Variants in ALDH1A2 observed in about 807,000 individuals in gnomAD.
ALDH1A2 encodes the protein retinal dehydrogenase 2.
Under a neutral mutation model 60.3 loss-of-function variants are expected in ALDH1A2, and 27 were observed. The ratio of observed to expected loss-of-function variants is 0.45; its 90% CI spans 0.33 to 0.62. The LOEUF (loss-of-function observed/expected upper bound fraction) is 0.62, where lower values mean the gene tolerates loss of function less well. Ranked by LOEUF, ALDH1A2 falls within the 20% of genes least tolerant of loss-of-function variation. The pLI, the probability that ALDH1A2 is intolerant of heterozygous loss-of-function variation, is 0.02. For synonymous variants in ALDH1A2, 289 were observed against 232.4 expected, an observed-to-expected ratio of 1.24 and a Z score of -2.21; for missense variants, 581 against 643.8, an observed-to-expected ratio of 0.90 and a Z score of 1.06.
At chr15:57,964,749 C>T (rs536034472) in intron 8 of ALDH1A2, 1 of 152,510 alleles carries the variant, frequency 6.6e-6, no homozygotes, top group African/African-American at 2.4e-5. Flanking sequence ...TCTTACACTT[C>T]AAAACAGCTT....
At chr15:57,975,194 CTAGG>C (rs1382374648) in intron 7 of ALDH1A2, among the ~76,000 whole-genome samples, 2 of 149,918 alleles carry the variant, frequency 1.3e-5, no homozygotes, top group Non-Finnish European at 3.0e-5. Flanking sequence ...CATTCCATTC[CTAGG>C]TATTTACCTA....
At chr15:57,965,619 C>T in intron 8 of ALDH1A2, 106 bp downstream of exon 8, 1 of 911,656 alleles carries the variant, frequency 1.1e-6, no homozygotes, top group Non-Finnish European at 1.8e-6. Flanking sequence ...TTTGATTGCC[C>T]TTAGCTTCAA....
intron 4 of ALDH1A2, among the ~76,000 whole-genome samples, chr15:58,001,795 T>C (rs1451891631): frequency 6.6e-6 from 1 of 151,852 alleles, no homozygotes; most frequent in African/African-American, 2.4e-5. Flanking sequence ...TTTTGGATCT[T>C]CTTAGCAAAT....
intron 7 of ALDH1A2, among the ~76,000 whole-genome samples, chr15:57,969,030 T>C (rs921985558): frequency 6.6e-6 from 1 of 152,224 alleles, no homozygotes; most frequent in Non-Finnish European, 1.5e-5. Context: ...AGATGAATGA[T>C]ACCTTTCCCC....
At chr15:57,989,396 T>A (rs1337799202) in intron 7 of ALDH1A2, among the ~76,000 whole-genome samples, 2 of 152,196 alleles carry the variant, frequency 1.3e-5, no homozygotes. Context: ...CCAATCAAAG[T>A]TTTTTAGAGT....
chr15:57,956,179 A>C (rs1893518864), intron 12 of ALDH1A2, among the ~76,000 whole-genome samples: 1 of 152,206 alleles, frequency 6.6e-6, no homozygotes, highest in East Asian at 1.9e-4. Flanking sequence ...GGCACAAAGA[A>C]GGTACCTGAT....
chr15:57,971,181 G>T (rs1370154827), intron 7 of ALDH1A2, among the ~76,000 whole-genome samples: 12 of 152,324 alleles, frequency 7.9e-5, no homozygotes, highest in African/African-American at 2.9e-4. Context: ...GAACATGCCT[G>T]TGTGTCTTTG....
At chr15:58,065,248 CGGACAGAAA>C (rs1340872152) in intron 1 of ALDH1A2, 9 of 441,968 alleles carry the variant, frequency 2.0e-5, no homozygotes, top group African/African-American at 1.7e-4. Context: ...CCGGGAGAAT[CGGACAGAAA>C]CCAGCCTCAG....
chr15:57,992,869 T>G, intron 6 of ALDH1A2, 51 bp from the exon 7 acceptor site: 1 of 1,613,716 alleles, frequency 6.2e-7, no homozygotes, highest in Non-Finnish European at 8.5e-7. Context: ...TGATGCATCA[T>G]GTTAAATGAG....
At chr15:57,984,134 G>C (rs939961727) in intron 7 of ALDH1A2, among the ~76,000 whole-genome samples, 1 of 152,178 alleles carries the variant, frequency 6.6e-6, no homozygotes, top group Non-Finnish European at 1.5e-5. Flanking sequence ...CTGTAATATG[G>C]AATATAGGCC....
intron 7 of ALDH1A2, among the ~76,000 whole-genome samples, chr15:57,986,628 A>G (rs1429698202): frequency 1.3e-5 from 2 of 150,820 alleles, no homozygotes; most frequent in Non-Finnish European, 2.9e-5. Flanking sequence ...AGTCAAATTC[A>G]GAGACGACAG....
chr15:58,052,217 T>C (rs1171938372), intron 1 of ALDH1A2, among the ~76,000 whole-genome samples: 4 of 152,106 alleles, frequency 2.6e-5, no homozygotes, highest in African/African-American at 4.8e-5. Context: ...ACAAAACTGT[T>C]TGAGTGCAAA....
intron 4 of ALDH1A2, 121 bp from the exon 5 acceptor site, chr15:57,995,260 A>C: frequency 1.3e-6 from 1 of 751,940 alleles, no homozygotes; most frequent in Non-Finnish European, 2.3e-6. Context: ...ACTTGAAAAA[A>C]CATCCTACTC....
intron 4 of ALDH1A2, among the ~76,000 whole-genome samples, chr15:57,998,512 T>C (rs906946550): frequency 3.3e-5 from 5 of 151,952 alleles, no homozygotes; most frequent in Admixed American, 6.6e-5. Context: ...GAAGGACCTC[T>C]TCAAGGAGAA....
At chr15:57,955,895 T>C (rs1893508418) in intron 12 of ALDH1A2, among the ~76,000 whole-genome samples, 1 of 152,148 alleles carries the variant, frequency 6.6e-6, no homozygotes, top group South Asian at 2.1e-4. Flanking sequence ...TTTCCCCTTA[T>C]CTAATCTATT....
chr15:57,967,720 G>A (rs1355861588), intron 7 of ALDH1A2, among the ~76,000 whole-genome samples: 1 of 152,218 alleles, frequency 6.6e-6, no homozygotes, highest in East Asian at 1.9e-4. Context: ...TTACCAAGGT[G>A]TTGGAAAATG....
At chr15:57,998,888 A>G (rs953238524) in intron 4 of ALDH1A2, among the ~76,000 whole-genome samples, 10 of 152,154 alleles carry the variant, frequency 6.6e-5, no homozygotes, top group African/African-American at 9.7e-5. Context: ...GAAATCAGAG[A>G]TAAGACCACA....
chr15:58,065,683 T>TG lies in ALDH1A2; in HGVS notation c.-34dup. 1 of 1,478,586 alleles carries TG rather than the reference T, an allele frequency of 6.8e-7. No individual in the cohort carries two copies. The highest frequency in any genetic ancestry group is 9.2e-7 in the Non-Finnish European group (1 of 1,091,446). 91.6% of individuals were successfully genotyped at this position (1,478,586 alleles called of 1,614,324 possible). On this transcript the variant is annotated 5_prime_UTR_variant, in exon 1 of 13. Transcript: ENST00000249750. Reference sequence around the variant, plus strand: ...GGCCGGGTGTCCCTAGCCCGCGGCGTGGGGCAGTGCGGGCTGTGCGCGCGG... The same window carrying TG: ...GGCCGGGTGTCCCTAGCCCGCGGCGTGGGGGCAGTGCGGGCTGTGCGCGCGG...
intron 12 of ALDH1A2, among the ~76,000 whole-genome samples, chr15:57,955,625 C>G (rs1272637242): frequency 2.0e-5 from 3 of 152,218 alleles, no homozygotes; most frequent in Non-Finnish European, 4.4e-5. Flanking sequence ...CCAGGCTGTG[C>G]TCAGAGGCTG....
Sources: gnomAD v4.1 joint callset for allele counts (sites outside exome capture counted in the v4.1 genomes callset) on GRCh38, gnomAD v4.1.1 for gene constraint, MANE v1.5 for transcripts, NCBI Gene and HGNC (gene_info 2026-07-23, HGNC 2026-07-21) for gene names.